GMDS: variants seen among roughly 807,000 people sequenced by gnomAD.
The protein encoded by GMDS is GDP-mannose 4,6 dehydratase.
A neutral mutation model predicts 49.9 loss-of-function variants in GMDS; 20 were observed. That is an observed-to-expected ratio of 0.40 (90% CI 0.28 to 0.58). The LOEUF (loss-of-function observed/expected upper bound fraction) is 0.58, where lower values mean the gene tolerates loss of function less well. Among genes scored for constraint, GMDS ranks in the 20% least tolerant of loss-of-function variants. GMDS has a pLI of 0.42. For missense variants in GMDS, 362 were observed against 481.4 expected (o/e 0.75, Z 2.32); for synonymous variants, 177 against 178.6 (o/e 0.99, Z 0.07).
At chr6:2,226,969 T>C (rs1272449198) in intron 1 of GMDS, among the ~76,000 whole-genome samples, 1 of 152,170 alleles carries the variant, frequency 6.6e-6, no homozygotes, top group Non-Finnish European at 1.5e-5. Flanking sequence ...TCAAGGCCAG[T>C]AACATTTGCT....
chr6:1,706,691 G>A lies in GMDS; in HGVS notation c.987+19725C>T, dbSNP rs78695853. ...CCGCAGCACGTGGCTGATTCCCAGC[G>A]TTTGCTCACCTGTGTGTAGGTTTCC... On this transcript the variant is annotated intron_variant, in intron 9 of 10. Transcript: ENST00000380815. Among the ~76,000 whole-genome samples, 21 of 152,318 alleles carry A rather than the reference G, an allele frequency of 1.4e-4. No individual in the cohort carries two copies. The East Asian group carries it at 3.9e-3, about 28-fold the overall frequency.
intron 1 of GMDS, among the ~76,000 whole-genome samples, chr6:2,208,234 C>T (rs535393906): frequency 7.9e-5 from 12 of 152,300 alleles, no homozygotes; most frequent in Admixed American, 1.3e-4. Context: ...AAGTTTACGC[C>T]ATCACCCAAA....
intron 4 of GMDS, among the ~76,000 whole-genome samples, chr6:2,032,353 C>T (rs1194212612): frequency 6.6e-6 from 1 of 152,166 alleles, no homozygotes; most frequent in Non-Finnish European, 1.5e-5. Flanking sequence ...GAATCCTATA[C>T]AGCTGGAAAT....
chr6:2,189,201 A>T (rs1332704754), intron 1 of GMDS, among the ~76,000 whole-genome samples: 1 of 152,164 alleles, frequency 6.6e-6, no homozygotes, highest in Non-Finnish European at 1.5e-5. Flanking sequence ...CTGAGGGAAA[A>T]AAGGGAGCAG....
At chr6:1,821,611 GTT>G (rs3039703) in intron 7 of GMDS, among the ~76,000 whole-genome samples, 1,236 of 109,692 alleles carry the variant, frequency 0.011, 8 homozygotes, top group Non-Finnish European at 0.016. Context: ...CAATTTATTT[GTT>G]TTTTTTTTTT....
chr6:1,642,111 C>T (rs887224123), intron 9 of GMDS, among the ~76,000 whole-genome samples: 9 of 149,746 alleles, frequency 6.0e-5, no homozygotes, highest in East Asian at 4.0e-4. Flanking sequence ...CTAAGGGGAG[C>T]GCAGCAAGCC....
chr6:1,843,011 G>A (rs967384373), intron 7 of GMDS, among the ~76,000 whole-genome samples: 1 of 151,982 alleles, frequency 6.6e-6, no homozygotes, highest in Non-Finnish European at 1.5e-5. Flanking sequence ...GGAGGCTGAG[G>A]TGGGAGGGTC....
intron 7 of GMDS, among the ~76,000 whole-genome samples, chr6:1,894,668 A>G (rs2113847139): frequency 6.6e-6 from 1 of 152,330 alleles, no homozygotes; most frequent in South Asian, 2.1e-4. Context: ...ATAAATGTAA[A>G]TCAAGTACCA....
chr6:1,701,139 C>T (rs775935686), intron 9 of GMDS, among the ~76,000 whole-genome samples: 27 of 152,192 alleles, frequency 1.8e-4, no homozygotes, highest in Admixed American at 4.6e-4. Flanking sequence ...TTCATTTCTT[C>T]CTGTCTCTCT....
At chr6:1,992,209 C>G (rs1326176663) in intron 4 of GMDS, among the ~76,000 whole-genome samples, 1 of 152,190 alleles carries the variant, frequency 6.6e-6, no homozygotes, top group Non-Finnish European at 1.5e-5. Context: ...CCCCGCTGAG[C>G]TCCAGACTCA....
chr6:2,135,100 T>C (rs115511321), intron 1 of GMDS, among the ~76,000 whole-genome samples: 297 of 152,314 alleles, frequency 1.9e-3, no homozygotes, highest in Admixed American at 4.2e-3. Context: ...TACAGTGTTA[T>C]GTCCACAATA....
intron 1 of GMDS, among the ~76,000 whole-genome samples, chr6:2,195,051 T>C (rs1192829020): frequency 6.6e-6 from 1 of 152,226 alleles, no homozygotes; most frequent in Non-Finnish European, 1.5e-5. Context: ...TTTGTTTCCT[T>C]TCTGAGGTAA....
chr6:2,234,411 C>A (rs1181765949), intron 1 of GMDS, among the ~76,000 whole-genome samples: 3 of 152,110 alleles, frequency 2.0e-5, no homozygotes. Context: ...AGTTCGAGAC[C>A]AGCCTGGTCA....
chr6:1,745,178 GTCTTT>G (rs1767435517), intron 7 of GMDS, among the ~76,000 whole-genome samples: 1 of 152,188 alleles, frequency 6.6e-6, no homozygotes, highest in African/African-American at 2.4e-5. Context: ...TCTCAAATAG[GTCTTT>G]CAGGGCCACT....
intron 4 of GMDS, among the ~76,000 whole-genome samples, chr6:1,993,553 G>A (rs1766085792): frequency 6.6e-6 from 1 of 152,146 alleles, no homozygotes. Flanking sequence ...AGTAAAAGAT[G>A]ATCCTCAGGC....
chr6:1,793,222 A>G (rs1365620137), intron 7 of GMDS, among the ~76,000 whole-genome samples: 1 of 152,158 alleles, frequency 6.6e-6, no homozygotes, highest in Non-Finnish European at 1.5e-5. Flanking sequence ...GTGTTCTATG[A>G]TAGTCTCAGA....
chr6:1,698,879 T>C (rs1384715520), intron 9 of GMDS, among the ~76,000 whole-genome samples: 1 of 150,114 alleles, frequency 6.7e-6, no homozygotes, highest in Non-Finnish European at 1.5e-5. Context: ...TCTTGTCACC[T>C]GGCCAAATGG....
chr6:1,694,753 G>A (rs1056914316), intron 9 of GMDS, among the ~76,000 whole-genome samples: 7 of 152,168 alleles, frequency 4.6e-5, no homozygotes, highest in African/African-American at 1.4e-4. Context: ...CAATTACGTC[G>A]TGAAGGTTAC....
At chr6:2,141,150 AT>A (rs1776266039) in intron 1 of GMDS, among the ~76,000 whole-genome samples, 1 of 152,268 alleles carries the variant, frequency 6.6e-6, no homozygotes, top group South Asian at 2.1e-4. Context: ...AAACGGTTCA[AT>A]AAAAGTCAAA....
Sources: gnomAD v4.1 joint callset for allele counts (sites outside exome capture counted in the v4.1 genomes callset) on GRCh38, gnomAD v4.1.1 for gene constraint, MANE v1.5 for transcripts, NCBI Gene and HGNC (gene_info 2026-07-23, HGNC 2026-07-21) for gene names.